Variants in GPC3 observed in about 807,000 individuals in gnomAD.
The protein encoded by GPC3 is glypican 3, also known as glypican-3.
Under a neutral mutation model 34.4 loss-of-function variants are expected in GPC3, and 3 were observed. The ratio of observed to expected loss-of-function variants is 0.09; its 90% CI spans 0.04 to 0.23. The LOEUF (loss-of-function observed/expected upper bound fraction) is 0.23. GPC3 is among the 10% of genes least tolerant of loss of function. GPC3 has a pLI of 1.00. For missense variants in GPC3, 351 were observed against 445.6 expected (o/e 0.79, Z 1.91); for synonymous variants, 177 against 174.0 (o/e 1.02, Z -0.13).
intron 3 of GPC3, among the ~76,000 whole-genome samples, chrX:133,734,748 C>T (rs1441551718): frequency 9.0e-6 from 1 of 111,140 alleles, no homozygotes; most frequent in Non-Finnish European, 1.9e-5. Context: ...CACTCACTTA[C>T]ACACACACAC....
chrX:133,873,631 TC>T (rs777359038), intron 2 of GPC3, among the ~76,000 whole-genome samples: 6 of 111,181 alleles, frequency 5.4e-5, no homozygotes, highest in Admixed American at 3.9e-4. Flanking sequence ...GCTCAGACAC[TC>T]CAGGTTAAAC....
chrX:133,795,984 C>G lies in GPC3; in HGVS notation c.338-41808G>C, dbSNP rs756735199. Among the ~76,000 whole-genome samples the G allele has an allele frequency of 1.6e-4, 14 of 87,649 alleles. No homozygotes were observed. The East Asian group carries it at 2.8e-3, about 17-fold the overall frequency. 76.1% of individuals were successfully genotyped at this position (87,649 alleles called of 115,157 possible). ...TTTTTGAGATGGAGTCTCGCTTTGT[C>G]CCCCAGGCTGGAGTGCAGTGGCGCA... On this transcript the variant is annotated intron_variant, in intron 2 of 7. Transcript: ENST00000370818.
chrX:133,748,123 C>T (rs893604173), intron 3 of GPC3, among the ~76,000 whole-genome samples: 1 of 111,979 alleles, frequency 8.9e-6, no homozygotes, highest in Admixed American at 9.5e-5. Context: ...ATCCAACATG[C>T]TAATTATTAA....
intron 2 of GPC3, among the ~76,000 whole-genome samples, chrX:133,798,296 TAA>T (rs771860022): frequency 4.5e-5 from 5 of 111,432 alleles, no homozygotes; most frequent in African/African-American, 1.6e-4. Context: ...GTCCATGTAG[TAA>T]ATTCCCACAT....
chrX:133,942,475 A>G (rs1290809773), intron 2 of GPC3, among the ~76,000 whole-genome samples: 2 of 112,089 alleles, frequency 1.8e-5, no homozygotes, highest in Non-Finnish European at 3.8e-5. Flanking sequence ...ATTGTGTTAC[A>G]GAAGTACATT....
intron 3 of GPC3, among the ~76,000 whole-genome samples, chrX:133,741,083 T>C (rs188974023): frequency 1.1e-3 from 125 of 109,988 alleles, no homozygotes; most frequent in African/African-American, 4.0e-3. Flanking sequence ...ATGCTCTCTC[T>C]CTCTGTCTCT....
At chrX:133,958,735 A>G (rs1331319593) in intron 1 of GPC3, among the ~76,000 whole-genome samples, 1 of 105,884 alleles carries the variant, frequency 9.4e-6, no homozygotes, top group Non-Finnish European at 1.9e-5. Context: ...AAAAAAAAAA[A>G]ACAGCCAGGC....
chrX:133,883,585 G>A (rs1035556582), intron 2 of GPC3, among the ~76,000 whole-genome samples: 2 of 111,998 alleles, frequency 1.8e-5, no homozygotes, highest in Admixed American at 1.9e-4. Flanking sequence ...CAGCAAGAAA[G>A]AAGGCAATTA....
intron 2 of GPC3, among the ~76,000 whole-genome samples, chrX:133,836,167 C>A (rs1253534478): frequency 8.8e-6 from 1 of 113,396 alleles, no homozygotes; most frequent in Admixed American, 9.3e-5. Flanking sequence ...GACAATACAG[C>A]CTTTTCTCAT....
At chrX:133,557,873 T>C (rs1404137888) in intron 7 of GPC3, among the ~76,000 whole-genome samples, 2 of 111,381 alleles carry the variant, frequency 1.8e-5, no homozygotes, top group Non-Finnish European at 3.8e-5. Flanking sequence ...AAAATCAAAA[T>C]GAGCAAACTG....
chrX:133,955,252 C>G (rs2076411647), intron 1 of GPC3, among the ~76,000 whole-genome samples: 1 of 111,096 alleles, frequency 9.0e-6, no homozygotes, highest in African/African-American at 3.3e-5. Context: ...TCCTGTAACC[C>G]AGGACTTTGC....
At chrX:133,828,816 C>T (rs1372794736) in intron 2 of GPC3, among the ~76,000 whole-genome samples, 1 of 109,750 alleles carries the variant, frequency 9.1e-6, no homozygotes, top group Admixed American at 9.8e-5. Context: ...TTCAAAATTG[C>T]TTTAAGAATA....
At chrX:133,792,422 T>C (rs1263313811) in intron 2 of GPC3, among the ~76,000 whole-genome samples, 1 of 111,350 alleles carries the variant, frequency 9.0e-6, no homozygotes, top group Non-Finnish European at 1.9e-5. Flanking sequence ...GGTGGTGAAA[T>C]GGATAAGCCC....
intron 2 of GPC3, among the ~76,000 whole-genome samples, chrX:133,869,695 C>T (rs1285932476): frequency 4.5e-5 from 5 of 112,195 alleles, no homozygotes; most frequent in Non-Finnish European, 9.4e-5. Flanking sequence ...CACCTGTAAT[C>T]CCAGCACTTT....
intron 6 of GPC3, among the ~76,000 whole-genome samples, chrX:133,623,136 G>T (rs1272087073): frequency 8.9e-6 from 1 of 111,899 alleles, no homozygotes; most frequent in East Asian, 2.8e-4. Flanking sequence ...CACCAGGCCT[G>T]CCTTACAAGA....
chrX:133,776,925 G>A (rs184150828), intron 2 of GPC3, among the ~76,000 whole-genome samples: 2 of 89,859 alleles, frequency 2.2e-5, no homozygotes, highest in East Asian at 3.5e-4. Context: ...TGTCGCCCGC[G>A]CTGGAGTGCA....
chrX:133,661,749 T>C lies in GPC3; in HGVS notation c.1394A>G (p.Lys465Arg), dbSNP rs1297558330. Reference sequence around the variant, plus strand: ...ACATACCTGGTTAATGTGCTTCAGTTTGTCAATAATTTGACTGACCACTGG... The same window carrying C: ...ACATACCTGGTTAATGTGCTTCAGTCTGTCAATAATTTGACTGACCACTGG... The part of the protein sequence containing the change: ...PEPVVSQIID[K>R]LKHINQLLRT... The change falls in exon 6 of 8, where the codon AAA becomes AGA. Residue 465 changes from lysine (K) to arginine (R), a missense_variant. Coordinates refer to ENST00000370818, the MANE Select transcript of GPC3 (RefSeq NM_004484.4). 1.7e-6 allele frequency: 2 copies of C among 1,186,111 alleles called. No individual in the cohort carries two copies. The highest frequency in any genetic ancestry group is 2.3e-6 in the Non-Finnish European group (2 of 874,679).
intron 2 of GPC3, among the ~76,000 whole-genome samples, chrX:133,948,637 C>T (rs762755027): frequency 1.8e-5 from 2 of 111,571 alleles, no homozygotes; most frequent in East Asian, 5.6e-4. Flanking sequence ...GCTGCTTATT[C>T]ATATATGAAA....
In GPC3 at chrX:133,677,528, G is replaced by A. The variant is rs960199772; in HGVS notation, c.1292+14841C>T. Among the ~76,000 whole-genome samples, 13 of 112,408 alleles carry A rather than the reference G, an allele frequency of 1.2e-4. No individual in the cohort carries two copies. In the Admixed American group the frequency reaches 1.2e-3, roughly 11 times the overall value. On this transcript the variant is annotated intron_variant, in intron 5 of 7. Transcript: ENST00000370818. ...TGACTTGTCCAAGGTCATGCAACAA[G>A]TTCACAGTAGAGCTAGGACTCAGGC... is the stretch of plus-strand genomic sequence containing the variant.
Sources: gnomAD v4.1 joint callset for allele counts (sites outside exome capture counted in the v4.1 genomes callset) on GRCh38, gnomAD v4.1.1 for gene constraint, MANE v1.5 for transcripts, NCBI Gene and HGNC (gene_info 2026-07-23, HGNC 2026-07-21) for gene names.